The following ZC4H2 variants were observed in gnomAD, a reference collection of about 807,000 sequenced individuals.
ZC4H2 encodes the protein zinc finger C4H2 domain-containing protein.
For missense variants in ZC4H2, 137 were observed against 173.9 expected (o/e 0.79, Z 1.19); for synonymous variants, 84 against 66.3 (o/e 1.27, Z -1.30).
chrX:64,978,986 A>C (rs1932031173), upstream of ZC4H2, among the ~76,000 whole-genome samples: 1 of 111,659 alleles, frequency 9.0e-6, no homozygotes, highest in South Asian at 3.8e-4. Flanking sequence ...CATCTGGTAA[A>C]AGTCTGGATG....
At chrX:65,010,407 T>C (rs1480593030) in intron 1 of ZC4H2, among the ~76,000 whole-genome samples, 1 of 112,766 alleles carries the variant, frequency 8.9e-6, no homozygotes, top group Non-Finnish European at 1.9e-5. Flanking sequence ...AGTCCAGATA[T>C]ATTAAGTCAC....
At chrX:64,963,155 AC>A (rs2147405917) in intron 1 of ZC4H2, among the ~76,000 whole-genome samples, 1 of 111,957 alleles carries the variant, frequency 8.9e-6, no homozygotes, top group East Asian at 2.8e-4. Context: ...TTGATCTTTG[AC>A]AAAGTTTACA....
rs1409986092 is a variant in ZC4H2 at position 64,996,548 on chromosome X, G to A, written c.-272+38081C>T. Among the ~76,000 whole-genome samples, 10 of 111,748 alleles carry A rather than the reference G, an allele frequency of 8.9e-5. No individual in the cohort carries two copies. The Admixed American group carries it at 9.5e-4, about 11-fold the overall frequency. Reference sequence around the variant, plus strand: ...ACTTTAACACAACTGTCATAAATATGCTAAAAGAACTAAAGGAAACCATGA... The same window carrying A: ...ACTTTAACACAACTGTCATAAATATACTAAAAGAACTAAAGGAAACCATGA... On this transcript the variant is annotated intron_variant, in intron 1 of 4. Transcript: ENST00000337990.
At chrX:64,978,763 C>A (rs1400770836), upstream of ZC4H2, among the ~76,000 whole-genome samples, 1 of 110,714 alleles carries the variant, frequency 9.0e-6, no homozygotes, top group Non-Finnish European at 1.9e-5. Flanking sequence ...TATATAGCAA[C>A]CAAAACTACA....
chrX:64,983,244 T>C (rs1318280602), intron 1 of ZC4H2, among the ~76,000 whole-genome samples: 4 of 111,972 alleles, frequency 3.6e-5, no homozygotes. Flanking sequence ...ATGGAAATGA[T>C]AGTAATTGTA....
intron 1 of ZC4H2, among the ~76,000 whole-genome samples, chrX:64,946,154 A>G (rs1458450778): frequency 9.1e-6 from 1 of 110,355 alleles, no homozygotes; most frequent in Non-Finnish European, 1.9e-5. Flanking sequence ...ACCAAAACAA[A>G]ACAAAACAAA....
intron 1 of ZC4H2, among the ~76,000 whole-genome samples, chrX:64,944,046 C>T (rs1197859466): frequency 9.0e-6 from 1 of 110,789 alleles, no homozygotes; most frequent in Non-Finnish European, 1.9e-5. Context: ...AATCCCTCAG[C>T]ATTTGCTTGT....
chrX:64,958,381 ATGTG>A (rs1263965741), intron 1 of ZC4H2, among the ~76,000 whole-genome samples: 7 of 107,618 alleles, frequency 6.5e-5, no homozygotes, highest in African/African-American at 2.6e-4. Flanking sequence ...ATGCCTGTAT[ATGTG>A]TGTGTGTGTG....
chrX:64,987,465 T>G (rs1401945238), intron 1 of ZC4H2, among the ~76,000 whole-genome samples: 7 of 76,066 alleles, frequency 9.2e-5, no homozygotes, highest in East Asian at 6.6e-4. Flanking sequence ...GTTTGCTGGG[T>G]TTTTTTTTTT....
intron 1 of ZC4H2, among the ~76,000 whole-genome samples, chrX:64,957,335 T>G (rs1931195598): frequency 8.9e-6 from 1 of 112,113 alleles, no homozygotes; most frequent in Admixed American, 9.5e-5. Flanking sequence ...GCTGTAATTC[T>G]AAGGGCTGCC....
chrX:65,031,468 C>G (rs1196409172), intron 1 of ZC4H2, among the ~76,000 whole-genome samples: 1 of 109,182 alleles, frequency 9.2e-6, no homozygotes, highest in African/African-American at 3.4e-5. Flanking sequence ...TGTGCCAGCA[C>G]AGAGTTCTGT....
intron 1 of ZC4H2, among the ~76,000 whole-genome samples, chrX:65,001,160 G>GA (rs1471161713): frequency 3.6e-5 from 4 of 110,817 alleles, no homozygotes; most frequent in Admixed American, 1.9e-4. Context: ...TGAAACAAAG[G>GA]AAAAAATGTT....
At chrX:64,952,950 C>G (rs766801210) in intron 1 of ZC4H2, among the ~76,000 whole-genome samples, 1 of 111,864 alleles carries the variant, frequency 8.9e-6, no homozygotes, top group Non-Finnish European at 1.9e-5. Context: ...ACCAAAACAG[C>G]ATGGTACTGG....
Position 64,943,374 on chromosome X carries a change from C to T in ZC4H2, c.54-21386G>A, listed in dbSNP as rs1474306319. Among the ~76,000 whole-genome samples, 6 of 111,814 alleles carry T rather than the reference C, an allele frequency of 5.4e-5. No individual in the cohort carries two copies. In the Admixed American group the frequency reaches 5.7e-4, roughly 11 times the overall value. The stretch of plus-strand genomic sequence containing the variant: ...CTTGGGCTAGAGCTGAGTTCAAGTC[C>T]TGAATATCCTTGTATTTTTTTCCAT... On this transcript the variant is annotated intron_variant, in intron 1 of 4. Coordinates refer to ENST00000374839, the MANE Select transcript of ZC4H2 (RefSeq NM_018684.4).
At chrX:64,964,944 T>C (rs1271356259) in intron 1 of ZC4H2, among the ~76,000 whole-genome samples, 1 of 112,071 alleles carries the variant, frequency 8.9e-6, no homozygotes, top group Non-Finnish European at 1.9e-5. Flanking sequence ...GTTAAGGATG[T>C]ATATTATAAA....
At chrX:64,935,152 T>C (rs1259597288) in intron 1 of ZC4H2, among the ~76,000 whole-genome samples, 1 of 110,938 alleles carries the variant, frequency 9.0e-6, no homozygotes, top group Non-Finnish European at 1.9e-5. Context: ...AGGAGGGGCG[T>C]CCGCCATTTC....
intron 1 of ZC4H2, among the ~76,000 whole-genome samples, chrX:64,932,782 T>A (rs1929817648): frequency 9.0e-6 from 1 of 111,341 alleles, no homozygotes; most frequent in Non-Finnish European, 1.9e-5. Context: ...TCACAGCTCT[T>A]AAAATTATGT....
At chrX:64,970,121 G>A (rs1183739826) in intron 1 of ZC4H2, among the ~76,000 whole-genome samples, 1 of 111,930 alleles carries the variant, frequency 8.9e-6, no homozygotes, top group African/African-American at 3.3e-5. Flanking sequence ...TGAACACAAA[G>A]GAGCTAGTTT....
chrX:64,974,973 CAAAAAAAAAA>C (rs58569761), intron 1 of ZC4H2, among the ~76,000 whole-genome samples: 2 of 35,862 alleles, frequency 5.6e-5, no homozygotes, highest in East Asian at 1.2e-3. Flanking sequence ...ATGCTTTTGC[CAAAAAAAAAA>C]AAAAAAAAAA....
Sources: gnomAD v4.1 joint callset for allele counts (sites outside exome capture counted in the v4.1 genomes callset) on GRCh38, gnomAD v4.1.1 for gene constraint, MANE v1.5 for transcripts, NCBI Gene and HGNC (gene_info 2026-07-23, HGNC 2026-07-21) for gene names.